EXOC3L2: variants seen among roughly 807,000 people sequenced by gnomAD.
The protein encoded by EXOC3L2 is exocyst complex component 3-like protein 2.
EXOC3L2 carries 17 observed loss-of-function variants against 44.4 expected under a neutral mutation model. The observed-to-expected ratio is 0.38, with a 90% CI of 0.26 to 0.57. The LOEUF (loss-of-function observed/expected upper bound fraction) is 0.57, where lower values mean the gene tolerates loss of function less well. EXOC3L2 is among the 20% of genes least tolerant of loss of function. EXOC3L2 has a pLI of 0.65. For synonymous variants in EXOC3L2, 256 were observed against 253.7 expected (o/e 1.01, Z -0.09); for missense variants, 541 against 588.4 (o/e 0.92, Z 0.83).
At chr19:45,216,029 C>T (rs1366240778) in intron 11 of EXOC3L2, 44 bp downstream of exon 11, 2 of 1,606,990 alleles carry the variant, frequency 1.2e-6, no homozygotes, top group South Asian at 2.2e-5. Flanking sequence ...GCCAGGAGAC[C>T]TCGGCCAGGC....
chr19:45,244,890 C>A (rs1970157445), intron 1 of EXOC3L2, among the ~76,000 whole-genome samples: 1 of 151,910 alleles, frequency 6.6e-6, no homozygotes, highest in Admixed American at 6.6e-5. Flanking sequence ...CATCTCCAAT[C>A]CCAACCTGAT....
chr19:45,217,823 C>T (rs537864887), intron 9 of EXOC3L2, 140 bp from the exon 10 acceptor site: 1 of 1,032,332 alleles, frequency 9.7e-7, no homozygotes, highest in East Asian at 3.1e-5. Flanking sequence ...GCCCACGCCC[C>T]AGTCCCCAGC....
chr19:45,230,092 A>G (rs1970014817), intron 4 of EXOC3L2, among the ~76,000 whole-genome samples: 4 of 150,766 alleles, frequency 2.7e-5, no homozygotes, highest in Admixed American at 2.0e-4. Flanking sequence ...TGGTACCATC[A>G]TGGCTCACTG....
chr19:45,219,249 G>T (rs911410051), intron 8 of EXOC3L2, among the ~76,000 whole-genome samples: 5 of 151,650 alleles, frequency 3.3e-5, no homozygotes, highest in Non-Finnish European at 4.4e-5. Context: ...ATAAAAATTA[G>T]CTGGGTATGG....
In EXOC3L2 at chr19:45,212,698, G is replaced by T. The variant is rs541830765; in HGVS notation, c.*371C>A. 3.7e-4 allele frequency: 64 copies of T among 173,848 alleles called. No individual in the cohort carries two copies. Among genetic ancestry groups the T allele is most frequent in the Non-Finnish European group, 6.1e-4 (52 of 84,998 alleles). 10.8% of individuals were successfully genotyped at this position (173,848 alleles called of 1,614,324 possible). ...GCTCACTGCAGCCTCGAACTCCAGT[G>T]ATCCTCCAGCCTCAGCCTCACCAGT... On this transcript the variant is annotated 3_prime_UTR_variant, in exon 12 of 12. Transcript: ENST00000413988.
chr19:45,216,222 C>T, intron 10 of EXOC3L2, 28 bp from the exon 11 acceptor site: 3 of 1,611,232 alleles, frequency 1.9e-6, no homozygotes, highest in South Asian at 1.1e-5. Flanking sequence ...TGCGGGGTCA[C>T]ACCCTCCCAA....
At position 45,224,825 on chromosome 19, in the gene EXOC3L2, G is replaced by C; in HGVS notation, c.1672C>G (p.Arg558Gly). Residue 558 changes from arginine (R) to glycine (G), a missense_variant, in exon 8 of 12, where the codon CGG becomes GGG. By Grantham distance (125) the Arg-to-Gly change is moderately radical. Coordinates refer to ENST00000413988, the MANE Select transcript of EXOC3L2 (RefSeq NM_001382422.1). ...ASASALDHVT[R>G]LCHRVVANLL... is the part of the protein sequence containing the mutation. ...TTGGCCACGACACGGTGGCAGAGCC[G>C]GGTCACATGGTCCAGAGCACTAGCA... The C allele has an allele frequency of 6.3e-7, 1 of 1,588,714 alleles. No individual in the cohort carries two copies. The highest frequency in any genetic ancestry group is 1.3e-5 in the African/African-American group (1 of 74,500).
At position 45,234,595 on chromosome 19, in the gene EXOC3L2, C is replaced by A. The variant is rs1398438795; in HGVS notation, c.755G>T (p.Gly252Val). Residue 252 changes from glycine (G) to valine (V), a missense_variant, in exon 3 of 12, where the codon GGA (glycine) becomes GTA (valine). Transcript: ENST00000413988. This position sits in a 1 kb window ranked among gnomAD's most constrained non-coding sequence, Gnocchi z 5.0. The part of the protein sequence containing the change: ...VRETLAGPGP[G>V]ACAGAGAVAQ... ...CACCGCGCCAGCCCCGGCGCACGCT[C>A]CCGGCCCGGGGCCCGCCAGCGTCTC... 4 of 287,442 alleles carry A rather than the reference C, an allele frequency of 1.4e-5. No homozygotes were observed. The highest frequency in any genetic ancestry group is 2.6e-5 in the Non-Finnish European group (4 of 154,200). The allele number at this position is 287,442 out of a possible 1,614,324, so 17.8% of individuals were successfully genotyped here.
At chr19:45,217,397 G>T (rs572888648) in intron 10 of EXOC3L2, 131 bp downstream of exon 10, 1 of 1,171,398 alleles carries the variant, frequency 8.5e-7, no homozygotes, top group Non-Finnish European at 1.1e-6. Flanking sequence ...GGTTGCTATT[G>T]ACCCGAAGTT....
chr19:45,216,825 T>G (rs1187889044), intron 10 of EXOC3L2: 2 of 152,040 alleles, frequency 1.3e-5, no homozygotes, highest in African/African-American at 4.8e-5. Flanking sequence ...TACAATTATC[T>G]CAAAAATTTT....
chr19:45,241,064 G>T (rs1355394498), intron 1 of EXOC3L2, among the ~76,000 whole-genome samples: 2 of 151,990 alleles, frequency 1.3e-5, no homozygotes, highest in African/African-American at 2.4e-5. Context: ...TTCAGTCTGC[G>T]CTCCCTCCTT....
At chr19:45,233,666 A>AT (rs1221953692) in intron 3 of EXOC3L2, among the ~76,000 whole-genome samples, 2 of 152,150 alleles carry the variant, frequency 1.3e-5, no homozygotes, top group Admixed American at 6.6e-5. Context: ...CAATGGTGCC[A>AT]ATAGGTTCTA....
At chr19:45,244,946 C>T (rs1970157829) in intron 1 of EXOC3L2, among the ~76,000 whole-genome samples, 1 of 151,864 alleles carries the variant, frequency 6.6e-6, no homozygotes, top group Non-Finnish European at 1.5e-5. Context: ...GTCCCTGTCT[C>T]CCATCTCCGA....
At position 45,224,760 on chromosome 19, in the gene EXOC3L2, G is replaced by A; in HGVS notation, c.1719+18C>T. On this transcript the variant is annotated intron_variant, in intron 8 of 11. Coordinates refer to ENST00000413988, the MANE Select transcript of EXOC3L2 (RefSeq NM_001382422.1). ...TGTCCTGGCATGGGCCCCAACCCTG[G>A]CCTCCCACCTCACTCACCTGCAGCT... 1 of 1,546,386 alleles carries A rather than the reference G, an allele frequency of 6.5e-7. No individual in the cohort carries two copies. The highest frequency in any genetic ancestry group is 8.7e-7 in the Non-Finnish European group (1 of 1,144,396).
chr19:45,213,938 A>G (rs1047217107), intron 11 of EXOC3L2, among the ~76,000 whole-genome samples: 10 of 152,132 alleles, frequency 6.6e-5, no homozygotes, highest in African/African-American at 2.4e-4. Context: ...TGGGTGACAC[A>G]GCGAGACTCC....
intron 8 of EXOC3L2, 113 bp from the exon 9 acceptor site, chr19:45,218,432 G>T: frequency 7.6e-7 from 1 of 1,309,962 alleles, no homozygotes; most frequent in Non-Finnish European, 1.0e-6. Flanking sequence ...TGCGGTGCTG[G>T]GAACACAAGG....
rs988364231 is a variant in EXOC3L2, at chr19:45,218,440, A to AG, written c.1720-122dup. ...AGGGCTGTGCGGTGCTGGGAACACA[A>AG]GGGGAAGAGATAGCCCCAGCCCTGG... is the stretch of plus-strand genomic sequence containing the variant. On this transcript the variant is annotated intron_variant, in intron 8 of 11. Coordinates refer to ENST00000413988, the MANE Select transcript of EXOC3L2 (RefSeq NM_001382422.1). 1.5e-5 allele frequency: 19 copies of AG among 1,270,876 alleles called. No homozygotes were observed. In the African/African-American group the frequency reaches 2.8e-4, roughly 19 times the overall value. 78.7% of individuals were successfully genotyped at this position (1,270,876 alleles called of 1,614,324 possible).
chr19:45,241,584 A>G (rs73036517), intron 1 of EXOC3L2, among the ~76,000 whole-genome samples: 30,683 of 151,652 alleles, frequency 0.2, 3,639 homozygotes, highest in South Asian at 0.29. Flanking sequence ...GAGGCCTCTC[A>G]CCACAGCCTT....
At chr19:45,215,038 T>C (rs1969818964) in intron 11 of EXOC3L2, among the ~76,000 whole-genome samples, 1 of 151,612 alleles carries the variant, frequency 6.6e-6, no homozygotes, top group South Asian at 2.1e-4. Flanking sequence ...TGCCTATACT[T>C]GGGAGGCTGA....
Sources: allele counts gnomAD v4.1 joint callset (sites outside exome capture counted in the v4.1 genomes callset), GRCh38; gene constraint gnomAD v4.1.1; non-coding constraint Gnocchi (gnomAD v3.1); transcripts MANE v1.5; gene names NCBI Gene and HGNC (gene_info 2026-07-23, HGNC 2026-07-21).